The following ITGAE variants were observed in gnomAD, a reference collection of about 807,000 sequenced individuals.
ITGAE encodes the protein integrin subunit alpha E, also known as integrin alpha-E.
Under a neutral mutation model 136.5 loss-of-function variants are expected in ITGAE, and 99 were observed. The ratio of observed to expected loss-of-function variants is 0.73; its 90% CI spans 0.62 to 0.86. The LOEUF (loss-of-function observed/expected upper bound fraction) is 0.86, where lower values mean the gene tolerates loss of function less well. ITGAE is among the 40% of genes least tolerant of loss of function. ITGAE has a pLI of 0.00. For synonymous variants in ITGAE, 613 were observed against 591.8 expected, an observed-to-expected ratio of 1.04 and a Z score of -0.52; for missense variants, 1,447 against 1,515.3, an observed-to-expected ratio of 0.95 and a Z score of 0.75.
intron 19 of ITGAE, among the ~76,000 whole-genome samples, chr17:3,743,183 G>A (rs555414650): frequency 1.8e-4 from 28 of 152,250 alleles, no homozygotes; most frequent in Non-Finnish European, 3.5e-4. Context: ...TGCCAAGTGA[G>A]GTCCCCAGGA....
At chr17:3,729,661 C>T in intron 23 of ITGAE, 106 bp from the exon 24 acceptor site, 2 of 775,718 alleles carry the variant, frequency 2.6e-6, no homozygotes, top group East Asian at 2.5e-5. Flanking sequence ...GTGTTGCCGT[C>T]TCAGCTCACT....
chr17:3,734,918 G>C lies in ITGAE; in HGVS notation c.2554C>G (p.Leu852Val). The C allele has an allele frequency of 6.2e-7, 1 of 1,614,144 alleles. No individual in the cohort carries two copies. Among genetic ancestry groups the C allele is most frequent in the Non-Finnish European group, 8.5e-7 (1 of 1,180,004 alleles). Residue 852 changes from leucine to valine, a missense_variant, in exon 21 of 31, where the codon CTG (leucine) becomes GTG (valine). Physicochemically the swap from Leu to Val is conservative, Grantham distance 32. Transcript: ENST00000263087. ...QELVVGLTKE[L>V]TLNINLTNSG... The stretch of plus-strand genomic sequence containing the variant: ...TTAGTTAGGTTAATGTTCAGGGTCA[G>C]CTCCTTTGTGAGACCCACCACCAAC...
intron 1 of ITGAE, among the ~76,000 whole-genome samples, chr17:3,797,513 T>C (rs1474029950): frequency 2.1e-5 from 3 of 143,376 alleles, no homozygotes; most frequent in Non-Finnish European, 3.0e-5. Context: ...CAGGCTGGAG[T>C]GCAGTGGTGT....
chr17:3,759,592 T>G (rs529464765), intron 7 of ITGAE, 39 bp from the exon 8 acceptor site: 2 of 1,592,786 alleles, frequency 1.3e-6, no homozygotes, highest in East Asian at 4.5e-5. Context: ...GTTGGAAGAA[T>G]TGCCACCTCT....
chr17:3,723,888 C>T (rs370893681), intron 26 of ITGAE, 144 bp from the exon 27 acceptor site: 4 of 1,524,490 alleles, frequency 2.6e-6, no homozygotes, highest in South Asian at 1.3e-5. Context: ...CCGCGTCGCA[C>T]GGAAGTCTCG....
intron 15 of ITGAE, among the ~76,000 whole-genome samples, chr17:3,750,684 CAG>C (rs1358196063): frequency 1.3e-5 from 2 of 151,688 alleles, no homozygotes; most frequent in African/African-American, 4.8e-5. Flanking sequence ...TGGGACTTGA[CAG>C]GGGAGAGTAA....
intron 1 of ITGAE, among the ~76,000 whole-genome samples, chr17:3,779,395 T>C (rs938310117): frequency 2.0e-5 from 3 of 152,144 alleles, no homozygotes; most frequent in Non-Finnish European, 4.4e-5. Context: ...TGGTGCAATC[T>C]TGGCTCACTA....
intron 1 of ITGAE, among the ~76,000 whole-genome samples, chr17:3,783,264 C>T (rs1345053817): frequency 2.0e-5 from 3 of 152,186 alleles, no homozygotes; most frequent in African/African-American, 7.2e-5. Context: ...CCTCAGTCTC[C>T]GGAGTAGCTG....
intron 24 of ITGAE, chr17:3,729,272 C>A (rs1012580714): frequency 6.0e-5 from 33 of 546,060 alleles, no homozygotes; most frequent in Middle Eastern, 5.0e-4. Flanking sequence ...GGCAATACAC[C>A]TCCTTTGATG....
intron 2 of ITGAE, among the ~76,000 whole-genome samples, chr17:3,772,052 G>A (rs1801394195): frequency 6.6e-6 from 1 of 152,130 alleles, no homozygotes; most frequent in Non-Finnish European, 1.5e-5. Context: ...GTCAGCTTTA[G>A]CCACACGTGA....
intron 17 of ITGAE, among the ~76,000 whole-genome samples, chr17:3,747,710 G>A (rs937389702): frequency 6.6e-6 from 1 of 152,068 alleles, no homozygotes; most frequent in South Asian, 2.1e-4. Context: ...TCTGAGTGTG[G>A]ACATAACCTC....
chr17:3,740,510 G>A (rs2051559723), intron 19 of ITGAE, among the ~76,000 whole-genome samples: 1 of 152,174 alleles, frequency 6.6e-6, no homozygotes, highest in Non-Finnish European at 1.5e-5. Flanking sequence ...CCAAGTAGCT[G>A]GGATTACAGG....
At chr17:3,783,427 A>T (rs1224130947) in intron 1 of ITGAE, among the ~76,000 whole-genome samples, 1 of 152,240 alleles carries the variant, frequency 6.6e-6, no homozygotes, top group Non-Finnish European at 1.5e-5. Context: ...TACAGGCGTG[A>T]GCCACCGCGC....
In ITGAE at chr17:3,784,120, CGTG is replaced by C. The variant is rs1426291386; in HGVS notation, c.35-6463_35-6461del. On this transcript the variant is annotated intron_variant, in intron 1 of 30. Transcript: ENST00000263087. ...CTAAAAATACAAAAAATTAGCCGGG[CGTG>C]GTGGCGGGCGCCTGTAGTCCCAGCT... 5.3e-5 allele frequency among the ~76,000 whole-genome samples: 8 copies of C among 151,960 alleles called. No homozygotes were observed. In the South Asian group the frequency reaches 1.5e-3, roughly 28 times the overall value.
chr17:3,753,751 C>T (rs1171728255), intron 13 of ITGAE, 32 bp downstream of exon 13: 1 of 1,612,860 alleles, frequency 6.2e-7, no homozygotes, highest in African/African-American at 1.3e-5. Context: ...CCCCATCGGT[C>T]ATAAGGGGTG....
intron 1 of ITGAE, among the ~76,000 whole-genome samples, chr17:3,800,145 T>G (rs1173981324): frequency 1.3e-5 from 2 of 152,080 alleles, no homozygotes; most frequent in African/African-American, 4.8e-5. Flanking sequence ...AAATGAAATA[T>G]AAAATATTAA....
In ITGAE at chr17:3,757,800, A is replaced by G; in HGVS notation, c.926T>C (p.Val309Ala). ...CTCGAATATGCCACCATCGGTGAGC[A>G]CCACCATGACCTTGGATGCCTTTCT... is the stretch of plus-strand genomic sequence containing the variant. The part of the protein sequence containing the change: ...SRRKASKVMV[V>A]LTDGGIFEDP... Residue 309 changes from valine (V) to alanine (A), a missense_variant, in exon 9 of 31, where the codon GTG becomes GCG. Transcript: ENST00000263087. 1 of 1,614,130 alleles carries G rather than the reference A, an allele frequency of 6.2e-7. No homozygotes were observed. The highest frequency in any genetic ancestry group is 8.5e-7 in the Non-Finnish European group (1 of 1,180,034).
chr17:3,740,141 C>A (rs969800408), intron 19 of ITGAE, among the ~76,000 whole-genome samples: 3 of 152,208 alleles, frequency 2.0e-5, no homozygotes, highest in Non-Finnish European at 2.9e-5. Context: ...ACTGGGGTGA[C>A]CTTCACGGAA....
intron 20 of ITGAE, among the ~76,000 whole-genome samples, chr17:3,737,136 T>C (rs1029941725): frequency 6.6e-6 from 1 of 151,976 alleles, no homozygotes; most frequent in Non-Finnish European, 1.5e-5. Flanking sequence ...CTACTAAAAA[T>C]ACAAAAATTA....
Sources: allele counts gnomAD v4.1 joint callset (sites outside exome capture counted in the v4.1 genomes callset), GRCh38; gene constraint gnomAD v4.1.1; transcripts MANE v1.5; gene names NCBI Gene and HGNC (gene_info 2026-07-23, HGNC 2026-07-21).